EPHA6: variants seen among roughly 807,000 people sequenced by gnomAD.
EPHA6 encodes the protein EPH receptor A6, also known as ephrin type-A receptor 6.
Under a neutral mutation model 112.0 loss-of-function variants are expected in EPHA6, and 50 were observed. The observed-to-expected ratio is 0.45, with a 90% CI of 0.36 to 0.56. The LOEUF (loss-of-function observed/expected upper bound fraction) is 0.56, where lower values mean the gene tolerates loss of function less well. Among genes scored for constraint, EPHA6 ranks in the 20% least tolerant of loss-of-function variants. The pLI is 0.00. For synonymous variants in EPHA6, 529 were observed against 490.7 expected, an observed-to-expected ratio of 1.08 and a Z score of -1.03; for missense variants, 1,280 against 1,417.4, an observed-to-expected ratio of 0.90 and a Z score of 1.56.
intron 3 of EPHA6, among the ~76,000 whole-genome samples, chr3:97,029,985 A>G (rs2044769831): frequency 6.6e-6 from 1 of 152,032 alleles, no homozygotes; most frequent in Non-Finnish European, 1.5e-5. Context: ...TTGACATACC[A>G]GTTTTGCTCT....
chr3:97,369,789 A>G (rs980587380), intron 5 of EPHA6, among the ~76,000 whole-genome samples: 6 of 152,168 alleles, frequency 3.9e-5, no homozygotes, highest in Admixed American at 2.0e-4. Flanking sequence ...TATGTGGTAA[A>G]TAATATCTAG....
intron 7 of EPHA6, among the ~76,000 whole-genome samples, chr3:97,451,443 C>T (rs899418287): frequency 4.6e-5 from 7 of 151,458 alleles, no homozygotes; most frequent in African/African-American, 9.7e-5. Flanking sequence ...TCAGGAATGC[C>T]GCGAAAATGA....
chr3:97,159,368 G>A (rs1040149510), intron 3 of EPHA6, among the ~76,000 whole-genome samples: 2 of 152,096 alleles, frequency 1.3e-5, no homozygotes, highest in Non-Finnish European at 2.9e-5. Flanking sequence ...TCATCATTAC[G>A]TATGTTGGTG....
chr3:97,051,426 A>C (rs763418885), intron 3 of EPHA6, among the ~76,000 whole-genome samples: 17 of 152,162 alleles, frequency 1.1e-4, no homozygotes, highest in Non-Finnish European at 2.1e-4. Flanking sequence ...AGAGAAGGTA[A>C]AAATATAAAA....
chr3:97,207,714 A>C (rs751175605), intron 3 of EPHA6, among the ~76,000 whole-genome samples: 2 of 152,186 alleles, frequency 1.3e-5, no homozygotes, highest in Non-Finnish European at 2.9e-5. Context: ...GTATGTGTAC[A>C]GCTTTTGATT....
chr3:97,128,872 CTTTTT>C (rs377407255), intron 3 of EPHA6, among the ~76,000 whole-genome samples: 1 of 117,520 alleles, frequency 8.5e-6, no homozygotes, highest in African/African-American at 3.3e-5. Flanking sequence ...ATTTTTATGT[CTTTTT>C]TTTTTTTTTT....
At chr3:96,970,422 C>A (rs2042273892) in intron 2 of EPHA6, among the ~76,000 whole-genome samples, 1 of 152,022 alleles carries the variant, frequency 6.6e-6, no homozygotes, top group African/African-American at 2.4e-5. Context: ...TGTTATGTTT[C>A]TGTTCACCTG....
At chr3:96,834,922 A>G (rs925417847) in intron 1 of EPHA6, among the ~76,000 whole-genome samples, 1 of 152,062 alleles carries the variant, frequency 6.6e-6, no homozygotes, top group African/African-American at 2.4e-5. Context: ...CCATACAACA[A>G]TTATAATAAT....
At chr3:97,566,994 A>G (rs1357058160) in intron 11 of EPHA6, among the ~76,000 whole-genome samples, 1 of 152,210 alleles carries the variant, frequency 6.6e-6, no homozygotes, top group Non-Finnish European at 1.5e-5. Flanking sequence ...AAACCACATG[A>G]ACTGACAGAA....
At chr3:97,666,819 T>A (rs1240095775) in intron 14 of EPHA6, among the ~76,000 whole-genome samples, 3 of 152,216 alleles carry the variant, frequency 2.0e-5, no homozygotes, top group Admixed American at 2.0e-4. Context: ...AATGAGAGGT[T>A]GTCTTTCCTT....
rs115052500 is a variant in EPHA6 at position 97,678,487 on chromosome 3, G to T, written c.2784+40405G>T. Among the ~76,000 whole-genome samples, 1,104 of 152,246 alleles carry T rather than the reference G, an allele frequency of 7.3e-3. 17 individuals carry two copies. The highest frequency in any genetic ancestry group is 0.025 in the African/African-American group (1,029 of 41,554). ...CAGAGCAGGGATAAAGGGCCAATAA[G>T]ATCTGTTCCTGCTATTCTTAATGCA... On this transcript the variant is annotated intron_variant, in intron 14 of 17. Coordinates refer to ENST00000389672, the MANE Select transcript of EPHA6 (RefSeq NM_001080448.3).
intron 2 of EPHA6, among the ~76,000 whole-genome samples, chr3:96,946,644 T>C (rs1168066907): frequency 4.6e-5 from 7 of 152,212 alleles, no homozygotes; most frequent in Non-Finnish European, 8.8e-5. Flanking sequence ...TACGTGTGCA[T>C]GTGTCTTTAT....
chr3:97,005,838 T>A (rs1660007995), intron 3 of EPHA6, among the ~76,000 whole-genome samples: 1 of 152,202 alleles, frequency 6.6e-6, no homozygotes, highest in Non-Finnish European at 1.5e-5. Flanking sequence ...GGATATTGAA[T>A]TTTACCAAAG....
intron 5 of EPHA6, among the ~76,000 whole-genome samples, chr3:97,265,494 G>C (rs145181206): frequency 2.6e-5 from 4 of 152,176 alleles, no homozygotes; most frequent in African/African-American, 4.8e-5. Context: ...CTGTGACAGC[G>C]CCTGGGCTCA....
chr3:97,333,166 C>G (rs2082882654), intron 5 of EPHA6, among the ~76,000 whole-genome samples: 1 of 151,874 alleles, frequency 6.6e-6, no homozygotes, highest in Non-Finnish European at 1.5e-5. Context: ...TTTGCAGCAC[C>G]TAGATCCTGT....
In EPHA6 at chr3:96,987,547, A is replaced by T. The variant is rs774754164; in HGVS notation, c.668A>T (p.Tyr223Phe). The part of the protein sequence containing the change: ...GTCKETFNLF[Y>F]MESDESHGIK... Reference sequence around the variant, plus strand: ...TGCAAAGAAACATTTAATCTGTTTTATATGGAATCAGATGAGTCCCACGGA... The same window carrying T: ...TGCAAAGAAACATTTAATCTGTTTTTTATGGAATCAGATGAGTCCCACGGA... Residue 223 changes from tyrosine to phenylalanine, a missense_variant, in exon 3 of 18, where the codon TAT (tyrosine) becomes TTT (phenylalanine). By Grantham distance (22) the Tyr-to-Phe change is conservative. Coordinates refer to ENST00000389672, the MANE Select transcript of EPHA6 (RefSeq NM_001080448.3). 3 of 1,613,890 alleles carry T rather than the reference A, an allele frequency of 1.9e-6. No individual in the cohort carries two copies. The East Asian group carries it at 6.7e-5, about 36-fold the overall frequency.
chr3:97,377,282 A>G (rs1320935712), intron 5 of EPHA6, among the ~76,000 whole-genome samples: 1 of 152,076 alleles, frequency 6.6e-6, no homozygotes. Flanking sequence ...GCTTCTGCAT[A>G]TTTCTCATTT....
intron 13 of EPHA6, among the ~76,000 whole-genome samples, chr3:97,625,786 A>G (rs2093851352): frequency 6.6e-6 from 1 of 151,764 alleles, no homozygotes; most frequent in South Asian, 2.1e-4. Flanking sequence ...CTGAAAAAGA[A>G]GAAGGGACCA....
intron 14 of EPHA6, among the ~76,000 whole-genome samples, chr3:97,699,521 A>G (rs1030828204): frequency 3.3e-5 from 5 of 152,200 alleles, no homozygotes; most frequent in Non-Finnish European, 4.4e-5. Flanking sequence ...CTCAGAGCCC[A>G]TAAGTTGTGG....
Sources: allele counts gnomAD v4.1 joint callset (sites outside exome capture counted in the v4.1 genomes callset), GRCh38; gene constraint gnomAD v4.1.1; transcripts MANE v1.5; gene names NCBI Gene and HGNC (gene_info 2026-07-23, HGNC 2026-07-21).